The following EYS variants were observed in gnomAD, a reference collection of about 807,000 sequenced individuals.
EYS encodes the protein protein eyes shut homolog.
In EYS, 250 loss-of-function variants were observed where a neutral mutation model predicts 282.1. The ratio of observed to expected loss-of-function variants is 0.89; its 90% CI spans 0.80 to 0.98. The LOEUF (loss-of-function observed/expected upper bound fraction) is 0.98, where lower values mean the gene tolerates loss of function less well. Among genes scored for constraint, EYS ranks in the 50% least tolerant of loss-of-function variants. EYS has a pLI of 0.00. For synonymous variants in EYS, 1,355 were observed against 1,282.9 expected (o/e 1.06, Z -1.20); for missense variants, 4,016 against 3,709.0 (o/e 1.08, Z -2.15).
chr6:65,145,476 T>C (rs958204631), intron 12 of EYS, among the ~76,000 whole-genome samples: 1 of 151,800 alleles, frequency 6.6e-6, no homozygotes, highest in Admixed American at 6.6e-5. Context: ...AGATGCATTA[T>C]TGTATTTTAG....
chr6:64,800,992 C>T (rs1174692569), intron 22 of EYS, among the ~76,000 whole-genome samples: 1 of 151,986 alleles, frequency 6.6e-6, no homozygotes, highest in African/African-American at 2.4e-5. Flanking sequence ...TTACGCCCCT[C>T]TCATCTGAAT....
intron 1 of EYS, among the ~76,000 whole-genome samples, chr6:65,651,550 A>C (rs985516076): frequency 2.0e-5 from 3 of 152,172 alleles, no homozygotes; most frequent in African/African-American, 7.2e-5. Flanking sequence ...TTTCAAACTT[A>C]AATTTTTAAA....
intron 30 of EYS, among the ~76,000 whole-genome samples, chr6:64,249,194 T>C (rs1242885944): frequency 2.6e-5 from 4 of 151,588 alleles, no homozygotes; most frequent in African/African-American, 9.7e-5. Flanking sequence ...ACAGTATATA[T>C]AGCCATAAAG....
intron 26 of EYS, among the ~76,000 whole-genome samples, chr6:64,518,452 G>A (rs1289155167): frequency 6.6e-6 from 1 of 151,726 alleles, no homozygotes; most frequent in Non-Finnish European, 1.5e-5. Flanking sequence ...AAGTTGAAAT[G>A]TATGGTATGT....
chr6:65,228,003 C>A (rs1235197513), intron 12 of EYS, among the ~76,000 whole-genome samples: 1 of 151,858 alleles, frequency 6.6e-6, no homozygotes, highest in African/African-American at 2.4e-5. Flanking sequence ...GGATGATGGT[C>A]ACATAACAAC....
intron 14 of EYS, among the ~76,000 whole-genome samples, chr6:64,966,588 C>A (rs1267990484): frequency 6.6e-6 from 1 of 152,104 alleles, no homozygotes; most frequent in Non-Finnish European, 1.5e-5. Context: ...AAATCTGTTC[C>A]ATTTCCTTTT....
chr6:64,154,297 G>C lies in EYS; in HGVS notation c.6425-72295C>G, dbSNP rs186700628. 2.0e-5 allele frequency among the ~76,000 whole-genome samples: 3 copies of C among 152,058 alleles called. No homozygotes were observed. In the East Asian group the frequency reaches 5.8e-4, roughly 30 times the overall value. On this transcript the variant is annotated intron_variant, in intron 31 of 42. Coordinates refer to ENST00000503581, the MANE Select transcript of EYS (RefSeq NM_001142800.2). Reference sequence around the variant, plus strand: ...CTCTACTAAAAATACAAAATTAGCTGGGCGTGGTGGTACATGCCTGTAGTC... The same window carrying C: ...CTCTACTAAAAATACAAAATTAGCTCGGCGTGGTGGTACATGCCTGTAGTC...
Position 64,215,863 on chromosome 6 carries a change from G to A in EYS, c.6424+14729C>T, listed in dbSNP as rs574482970. Among the ~76,000 whole-genome samples the A allele has an allele frequency of 7.9e-5, 12 of 152,224 alleles. No individual in the cohort carries two copies. In the East Asian group the frequency reaches 2.1e-3, roughly 27 times the overall value. ...AGGCATAGGATACTATAGAAGTGTAGATGATAAAAAATGACTTCCAAGCAA... is the reference window on the plus strand; with the variant it reads ...AGGCATAGGATACTATAGAAGTGTAAATGATAAAAAATGACTTCCAAGCAA... On this transcript the variant is annotated intron_variant, in intron 31 of 42. Transcript: ENST00000503581.
intron 13 of EYS, among the ~76,000 whole-genome samples, chr6:65,028,963 A>T: frequency 6.6e-6 from 1 of 152,232 alleles, no homozygotes; most frequent in Middle Eastern, 3.4e-3. Flanking sequence ...ACATTTATAT[A>T]AGAATTGAAT....
chr6:65,491,001 T>C (rs767921536), intron 4 of EYS, among the ~76,000 whole-genome samples: 1 of 152,134 alleles, frequency 6.6e-6, no homozygotes, highest in Non-Finnish European at 1.5e-5. Flanking sequence ...ATTTTCATGA[T>C]AGATAATATT....
chr6:64,698,642 C>A (rs1407747163), intron 22 of EYS, among the ~76,000 whole-genome samples: 2 of 151,946 alleles, frequency 1.3e-5, no homozygotes, highest in Non-Finnish European at 2.9e-5. Flanking sequence ...AAGAGAAAAA[C>A]AATCTCATTA....
intron 26 of EYS, among the ~76,000 whole-genome samples, chr6:64,502,221 GT>G (rs10710004): frequency 0.39 from 59,009 of 149,926 alleles, 11,795 homozygotes; most frequent in East Asian, 0.5. Flanking sequence ...CAGCAGGCTG[GT>G]TTTTTTTTTG....
At chr6:65,274,263 G>T (rs1456639929) in intron 12 of EYS, among the ~76,000 whole-genome samples, 1 of 152,218 alleles carries the variant, frequency 6.6e-6, no homozygotes, top group Admixed American at 6.5e-5. Context: ...AAAGATTGCA[G>T]AGGTTAGTTC....
intron 12 of EYS, among the ~76,000 whole-genome samples, chr6:65,167,374 T>A (rs891843252): frequency 2.0e-5 from 3 of 151,302 alleles, no homozygotes; most frequent in Non-Finnish European, 4.4e-5. Flanking sequence ...AGTATTATGT[T>A]CTGGAATTAA....
At chr6:64,059,081 C>T (rs1048973635) in intron 33 of EYS, among the ~76,000 whole-genome samples, 1 of 152,124 alleles carries the variant, frequency 6.6e-6, no homozygotes, top group Non-Finnish European at 1.5e-5. Context: ...CATTTTCTTC[C>T]ATGAGCATGT....
At chr6:64,017,006 C>G (rs536445455) in intron 33 of EYS, among the ~76,000 whole-genome samples, 2 of 151,938 alleles carry the variant, frequency 1.3e-5, no homozygotes, top group Admixed American at 1.3e-4. Flanking sequence ...ATCAATTGCA[C>G]TCCGCATGTC....
At chr6:64,325,121 A>G (rs1295096439) in intron 29 of EYS, among the ~76,000 whole-genome samples, 1 of 152,154 alleles carries the variant, frequency 6.6e-6, no homozygotes, top group East Asian at 1.9e-4. Flanking sequence ...AAAAGAACAA[A>G]CCAGGAATCC....
intron 22 of EYS, among the ~76,000 whole-genome samples, chr6:64,707,435 C>T (rs565382915): frequency 6.6e-4 from 100 of 151,816 alleles, no homozygotes; most frequent in Non-Finnish European, 1.2e-3. Context: ...TTTGGGAGAC[C>T]GAGGTGGGCG....
chr6:64,170,131 T>TA (rs1764435667), intron 31 of EYS, among the ~76,000 whole-genome samples: 1 of 152,154 alleles, frequency 6.6e-6, no homozygotes, highest in African/African-American at 2.4e-5. Context: ...TTACCTGCAT[T>TA]AAACTTCACT....
Sources: allele counts gnomAD v4.1 joint callset (sites outside exome capture counted in the v4.1 genomes callset), GRCh38; gene constraint gnomAD v4.1.1; transcripts MANE v1.5; gene names NCBI Gene and HGNC (gene_info 2026-07-23, HGNC 2026-07-21).